Variants in ADGB observed in about 807,000 individuals in gnomAD.
ADGB encodes calpain-7-like protein.
ADGB carries 172 observed loss-of-function variants against 210.5 expected under a neutral mutation model. That is an observed-to-expected ratio of 0.82 (90% CI 0.72 to 0.93). The LOEUF is 0.93. Ranked by LOEUF, ADGB falls within the 40% of genes least tolerant of loss-of-function variation. The pLI, the probability that ADGB is intolerant of heterozygous loss-of-function variation, is 0.00. For synonymous variants in ADGB, 658 were observed against 662.7 expected (o/e 0.99, Z 0.11); for missense variants, 2,025 against 1,964.8 (o/e 1.03, Z -0.58).
chr6:146,801,791 A>C, intron 34 of ADGB, 37 bp from the exon 35 acceptor site: 1 of 1,505,038 alleles, frequency 6.6e-7, no homozygotes, highest in Non-Finnish European at 8.9e-7. Flanking sequence ...AGAGTTCCCA[A>C]ATGAAATCTG....
chr6:146,708,275 G>C (rs9390415), intron 13 of ADGB, among the ~76,000 whole-genome samples: 18,858 of 151,986 alleles, frequency 0.12, 1,471 homozygotes, highest in East Asian at 0.29. Context: ...CAGTATTAGA[G>C]TATTCTGAAT....
Position 146,644,821 on chromosome 6 carries a change from A to C in ADGB, c.286A>C (p.Lys96Gln), listed in dbSNP as rs768138933. Reference sequence around the variant, plus strand: ...AAAGATTGAGTTACCACCATCCTTGAAAATTTATTCCTGGAAACGTCCACA... The same window carrying C: ...AAAGATTGAGTTACCACCATCCTTGCAAATTTATTCCTGGAAACGTCCACA... ...EGKIELPPSL[K>Q]IYSWKRPQDI... Residue 96 changes from lysine to glutamine, a missense_variant, in exon 3 of 36, where the codon AAA becomes CAA. Physicochemically the swap from Lys to Gln is moderately conservative, Grantham distance 53 (BLOSUM62 1). Coordinates refer to ENST00000397944, the MANE Select transcript of ADGB (RefSeq NM_024694.4). 4 of 1,492,576 alleles carry C rather than the reference A, an allele frequency of 2.7e-6. 1 individual carries two copies. The South Asian group carries it at 5.7e-5, about 21-fold the overall frequency. 92.5% of individuals were successfully genotyped at this position (1,492,576 alleles called of 1,614,324 possible). A position where few individuals can be genotyped will look rare whatever the true frequency, so the allele number is the denominator to read the frequency against.
chr6:146,628,874 T>C (rs750514541), intron 1 of ADGB, among the ~76,000 whole-genome samples: 2 of 152,066 alleles, frequency 1.3e-5, no homozygotes, highest in Non-Finnish European at 2.9e-5. Context: ...CTGTTTGCCT[T>C]CCTAAAAAAT....
At chr6:146,762,379 T>A (rs1777504965) in intron 27 of ADGB, among the ~76,000 whole-genome samples, 1 of 152,168 alleles carries the variant, frequency 6.6e-6, no homozygotes, top group Admixed American at 6.6e-5. Context: ...CTTCATATAT[T>A]TCATTTTTCT....
intron 17 of ADGB, among the ~76,000 whole-genome samples, chr6:146,723,320 A>T (rs1437220359): frequency 1.3e-5 from 2 of 152,230 alleles, no homozygotes; most frequent in African/African-American, 4.8e-5. Flanking sequence ...GCCCTCAGTC[A>T]TTGATGAACA....
At chr6:146,645,995 T>A (rs1288332246) in intron 3 of ADGB, among the ~76,000 whole-genome samples, 1 of 152,164 alleles carries the variant, frequency 6.6e-6, no homozygotes, top group Non-Finnish European at 1.5e-5. Context: ...AATATTAATG[T>A]GTTACTAACA....
chr6:146,640,675 T>C (rs956244580), intron 2 of ADGB, among the ~76,000 whole-genome samples: 19 of 151,932 alleles, frequency 1.3e-4, no homozygotes, highest in East Asian at 5.8e-4. Context: ...TGAATATCTA[T>C]ATAAATGCAG....
In ADGB at chr6:146,724,272, G is replaced by A. The variant is rs1776862996; in HGVS notation, c.2182G>A (p.Val728Ile). Reference protein sequence around the residue: ...SWKSLKPGSLVLKIHTYATKA... With the variant: ...SWKSLKPGSLILKIHTYATKA... ...GAAATCCCTGAAACCAGGCAGTCTTGTTCTGAAGATTCACACATATGCTAC... is the reference window on the plus strand; with the variant it reads ...GAAATCCCTGAAACCAGGCAGTCTTATTCTGAAGATTCACACATATGCTAC... The change falls in exon 18 of 36, where the codon GTT (valine) becomes ATT (isoleucine). Residue 728 changes from valine to isoleucine, a missense_variant. Val to Ile is a conservative substitution (Grantham distance 29, BLOSUM62 3). Transcript: ENST00000397944. 5.8e-6 allele frequency: 9 copies of A among 1,550,952 alleles called. No individual in the cohort carries two copies. The highest frequency in any genetic ancestry group is 1.4e-5 in the African/African-American group (1 of 73,116).
chr6:146,661,122 G>A (rs1293727815), intron 5 of ADGB, among the ~76,000 whole-genome samples: 2 of 151,268 alleles, frequency 1.3e-5, no homozygotes, highest in Non-Finnish European at 2.9e-5. Flanking sequence ...CACTTGAATT[G>A]GAATATAAAT....
intron 33 of ADGB, 89 bp downstream of exon 33, chr6:146,788,699 G>A: frequency 8.6e-7 from 1 of 1,168,896 alleles, no homozygotes; most frequent in Non-Finnish European, 1.2e-6. Flanking sequence ...GTGACGGCTA[G>A]GGCTATAGAA....
At position 146,672,356 on chromosome 6, in the gene ADGB, G is replaced by A. The variant is rs765809521; in HGVS notation, c.976G>A (p.Glu326Lys). ...KLKEPGKEGK[E>K]GKEIKDGKEV... is the part of the protein sequence containing the mutation. ...AAAAGAACCAGGGAAAGAAGGGAAG[G>A]AGGGAAAAGAAATAAAGGATGGAAA... The change falls in exon 8 of 36, where the codon GAG (glutamate) becomes AAG (lysine). Residue 326 changes from glutamate to lysine, a missense_variant. Transcript: ENST00000397944. 81 of 1,551,182 alleles carry A rather than the reference G, an allele frequency of 5.2e-5. No individual in the cohort carries two copies. Among genetic ancestry groups the A allele is most frequent in the Non-Finnish European group, 6.9e-5 (79 of 1,146,802 alleles).
chr6:146,684,446 A>G (rs1433128298), intron 9 of ADGB, among the ~76,000 whole-genome samples: 3 of 152,058 alleles, frequency 2.0e-5, no homozygotes, highest in Non-Finnish European at 4.4e-5. Context: ...ATCAGTGAGA[A>G]AAGTAACTGG....
intron 10 of ADGB, among the ~76,000 whole-genome samples, chr6:146,689,178 T>C (rs184628103): frequency 6.6e-6 from 1 of 152,222 alleles, no homozygotes; most frequent in African/African-American, 2.4e-5. Context: ...AATTTAAGTC[T>C]TACACATGAA....
intron 1 of ADGB, among the ~76,000 whole-genome samples, chr6:146,611,106 G>A (rs73588043): frequency 6.6e-6 from 1 of 152,018 alleles, no homozygotes; most frequent in Non-Finnish European, 1.5e-5. Context: ...ACATGCTGGT[G>A]GGGGCCCATC....
chr6:146,729,985 AG>A (rs747038075), intron 20 of ADGB, among the ~76,000 whole-genome samples: 44 of 152,294 alleles, frequency 2.9e-4, no homozygotes, highest in Non-Finnish European at 5.4e-4. Flanking sequence ...AGACATTGCT[AG>A]ATGCCCCTGC....
At chr6:146,756,711 C>T (rs1001102767) in intron 27 of ADGB, among the ~76,000 whole-genome samples, 1 of 151,758 alleles carries the variant, frequency 6.6e-6, no homozygotes, top group African/African-American at 2.4e-5. Context: ...ACCCACTCGA[C>T]ATCAACATGT....
At chr6:146,813,511 T>C (rs1778333743) in intron 35 of ADGB, among the ~76,000 whole-genome samples, 1 of 152,172 alleles carries the variant, frequency 6.6e-6, no homozygotes, top group South Asian at 2.1e-4. Flanking sequence ...TGTGGATATA[T>C]TATAAATACT....
intron 16 of ADGB, among the ~76,000 whole-genome samples, chr6:146,719,794 C>T (rs1485024957): frequency 6.6e-6 from 1 of 152,134 alleles, no homozygotes; most frequent in Non-Finnish European, 1.5e-5. Context: ...CTCAGGCATG[C>T]ATGCCAGGCT....
Position 146,644,788 on chromosome 6 carries a change from C to A in ADGB, c.253C>A (p.Pro85Thr). 4 of 1,462,792 alleles carry A rather than the reference C, an allele frequency of 2.7e-6. No homozygotes were observed. Among genetic ancestry groups the A allele is most frequent in the East Asian group, 2.6e-5 (1 of 38,586 alleles). The allele number at this position is 1,462,792 out of a possible 1,614,324, so 90.6% of individuals were successfully genotyped here. The part of the protein sequence containing the change: ...KSPVFHFFED[P>T]EGKIELPPSL... ...TTTTATATAGCATTTTTTTGAGGACCCTGAAGGAAAGATTGAGTTACCACC... is the reference window on the plus strand; with the variant it reads ...TTTTATATAGCATTTTTTTGAGGACACTGAAGGAAAGATTGAGTTACCACC... Residue 85 changes from proline (P) to threonine (T), a missense_variant, in exon 3 of 36, where the codon CCT (proline) becomes ACT (threonine). Physicochemically the swap from Pro to Thr is conservative, Grantham distance 38. Transcript: ENST00000397944.
Sources: gnomAD v4.1 joint callset for allele counts (sites outside exome capture counted in the v4.1 genomes callset) on GRCh38, gnomAD v4.1.1 for gene constraint, MANE v1.5 for transcripts, NCBI Gene and HGNC (gene_info 2026-07-23, HGNC 2026-07-21) for gene names.